Variants in GOLM1 observed in about 807,000 individuals in gnomAD.
GOLM1 encodes epididymis luminal protein 46.
Under a neutral mutation model 50.5 loss-of-function variants are expected in GOLM1, and 31 were observed. The observed-to-expected ratio is 0.61, with a 90% CI of 0.46 to 0.83. GOLM1 has a LOEUF of 0.83. Among genes scored for constraint, GOLM1 ranks in the 40% least tolerant of loss-of-function variants. GOLM1 has a pLI of 0.00. For synonymous variants in GOLM1, 178 were observed against 192.8 expected, an observed-to-expected ratio of 0.92 and a Z score of 0.64; for missense variants, 491 against 501.3, an observed-to-expected ratio of 0.98 and a Z score of 0.20.
At chr9:86,053,681 TCCA>T (rs1833886423) in intron 3 of GOLM1, among the ~76,000 whole-genome samples, 4 of 17,744 alleles carry the variant, frequency 2.3e-4, no homozygotes, top group Non-Finnish European at 4.3e-4. Context: ...GGCACACCAC[TCCA>T]CACACACCAC....
intron 1 of GOLM1, among the ~76,000 whole-genome samples, chr9:86,096,868 A>G (rs1407249948): frequency 6.6e-6 from 1 of 152,160 alleles, no homozygotes; most frequent in East Asian, 1.9e-4. Flanking sequence ...TTTATTACTA[A>G]GAAACATCAA....
chr9:86,089,982 TTTCCC>T (rs1410548200), intron 1 of GOLM1, among the ~76,000 whole-genome samples: 3 of 152,202 alleles, frequency 2.0e-5, no homozygotes, highest in Admixed American at 2.0e-4. Flanking sequence ...TTTCTGTTAG[TTTCCC>T]TTCTCACTGT....
intron 3 of GOLM1, among the ~76,000 whole-genome samples, chr9:86,066,286 G>A (rs907100843): frequency 2.0e-5 from 3 of 152,088 alleles, no homozygotes; most frequent in East Asian, 3.9e-4. Context: ...GAGCCTCCTC[G>A]TACCCCAAGT....
intron 4 of GOLM1, 151 bp downstream of exon 4, chr9:86,052,386 C>T: frequency 1.4e-6 from 1 of 705,484 alleles, no homozygotes; most frequent in Non-Finnish European, 2.5e-6. Flanking sequence ...AGGAGATAGA[C>T]TTAGGCAAAA....
chr9:86,076,276 C>T (rs1834608122), intron 3 of GOLM1, among the ~76,000 whole-genome samples: 1 of 151,856 alleles, frequency 6.6e-6, no homozygotes, highest in Admixed American at 6.6e-5. Context: ...AAAAAATTAG[C>T]TGGGCGTGGT....
intron 3 of GOLM1, among the ~76,000 whole-genome samples, chr9:86,065,910 C>G (rs1445650804): frequency 6.6e-6 from 1 of 152,016 alleles, no homozygotes; most frequent in Non-Finnish European, 1.5e-5. Context: ...CGTGGTGGCA[C>G]CTGCCTGTAA....
intron 3 of GOLM1, among the ~76,000 whole-genome samples, chr9:86,063,403 G>A (rs1210026753): frequency 6.6e-6 from 1 of 152,184 alleles, no homozygotes; most frequent in Non-Finnish European, 1.5e-5. Flanking sequence ...CTGCGGAAGA[G>A]GAGACACTTT....
chr9:86,031,458 T>TG (rs1489193095), intron 9 of GOLM1, among the ~76,000 whole-genome samples: 7 of 142,586 alleles, frequency 4.9e-5, no homozygotes, highest in African/African-American at 1.9e-4. Context: ...GGTTTTTTTT[T>TG]TTTTTTTTTT....
intron 5 of GOLM1, among the ~76,000 whole-genome samples, chr9:86,044,922 A>T (rs1193237794): frequency 3.3e-5 from 5 of 151,964 alleles, no homozygotes; most frequent in Middle Eastern, 3.4e-3. Context: ...ACTGCACTCT[A>T]GCCTGGGAAA....
In GOLM1 at chr9:86,033,391, T is replaced by C. The variant is rs202052249; in HGVS notation, c.1020A>G (p.Arg340=). Residue 340 remains arginine, a synonymous_variant, in exon 9 of 10, where the codon AGA becomes AGG. Coordinates refer to ENST00000388712, the MANE Select transcript of GOLM1 (RefSeq NM_016548.4). ...EEEQEAAGEG[R]NQQKLRGEDD... The stretch of plus-strand genomic sequence containing the variant: ...CTTCTCCTCTCAGTTTCTGCTGGTT[T>C]CTCCCTGTAAAATTAGCACATAAAA... The C allele has an allele frequency of 1.3e-6, 2 of 1,590,370 alleles. No individual in the cohort carries two copies. Among genetic ancestry groups the C allele is most frequent in the East Asian group, 2.2e-5 (1 of 44,782 alleles).
At chr9:86,068,488 A>G (rs1343379758) in intron 3 of GOLM1, among the ~76,000 whole-genome samples, 3 of 152,202 alleles carry the variant, frequency 2.0e-5, no homozygotes, top group African/African-American at 4.8e-5. Flanking sequence ...CCACACTGCC[A>G]CGTGGAAAAG....
At chr9:86,081,299 C>T (rs994900790) in intron 1 of GOLM1, among the ~76,000 whole-genome samples, 1 of 150,744 alleles carries the variant, frequency 6.6e-6, no homozygotes, top group African/African-American at 2.4e-5. Flanking sequence ...CGGGTTAAAG[C>T]GATTCTCCTG....
intron 3 of GOLM1, among the ~76,000 whole-genome samples, chr9:86,072,784 C>T (rs991722350): frequency 6.6e-6 from 1 of 152,172 alleles, no homozygotes; most frequent in African/African-American, 2.4e-5. Context: ...TGCACTTATA[C>T]AAACCTGGAT....
intron 3 of GOLM1, among the ~76,000 whole-genome samples, chr9:86,053,376 A>AC (rs1245357875): frequency 4.8e-5 from 5 of 103,358 alleles, no homozygotes; most frequent in Non-Finnish European, 8.1e-5. Flanking sequence ...TCCACACCAC[A>AC]CACACCAAAC....
intron 3 of GOLM1, among the ~76,000 whole-genome samples, chr9:86,076,421 C>CAAAAAAAAAAA (rs58193076): frequency 1.7e-4 from 4 of 23,334 alleles, no homozygotes; most frequent in South Asian, 2.9e-3. Context: ...AACCCCATCT[C>CAAAAAAAAAAA]AAAAAAAAAA....
chr9:86,089,555 T>C (rs1835106728), intron 1 of GOLM1, among the ~76,000 whole-genome samples: 1 of 152,108 alleles, frequency 6.6e-6, no homozygotes, highest in Non-Finnish European at 1.5e-5. Context: ...ATTTGGCTAT[T>C]GATACTTGCA....
chr9:86,060,406 C>A (rs1173444873), intron 3 of GOLM1, among the ~76,000 whole-genome samples: 1 of 152,116 alleles, frequency 6.6e-6, no homozygotes, highest in Non-Finnish European at 1.5e-5. Flanking sequence ...CTCATTCACA[C>A]ACACAAACAA....
intron 4 of GOLM1, among the ~76,000 whole-genome samples, chr9:86,050,553 C>G (rs1009268048): frequency 1.3e-5 from 2 of 152,110 alleles, no homozygotes; most frequent in African/African-American, 2.4e-5. Flanking sequence ...TGTTATTGGT[C>G]TATTCAGAGA....
intron 7 of GOLM1, 135 bp downstream of exon 7, chr9:86,036,213 G>C: frequency 1.2e-6 from 1 of 845,230 alleles, no homozygotes; most frequent in Non-Finnish European, 2.0e-6. Context: ...AATTCCAGGG[G>C]CCCAGAGAGA....
Sources: allele counts gnomAD v4.1 joint callset (sites outside exome capture counted in the v4.1 genomes callset), GRCh38; gene constraint gnomAD v4.1.1; transcripts MANE v1.5; gene names NCBI Gene and HGNC (gene_info 2026-07-23, HGNC 2026-07-21).